DCAF17: variants seen among roughly 807,000 people sequenced by gnomAD.
DCAF17 encodes the protein DDB1 and CUL4 associated factor 17.
In DCAF17, 48 loss-of-function variants were observed where a neutral mutation model predicts 66.0. The observed-to-expected ratio is 0.73, with a 90% confidence interval of 0.58 to 0.92. The LOEUF (loss-of-function observed/expected upper bound fraction) is 0.92, where lower values mean the gene tolerates loss of function less well. Ranked by LOEUF, DCAF17 falls within the 40% of genes least tolerant of loss-of-function variation. The pLI is 0.00. For synonymous variants in DCAF17, 206 were observed against 214.6 expected (o/e 0.96, Z 0.35); for missense variants, 562 against 622.8 (o/e 0.90, Z 1.04).
intron 8 of DCAF17, among the ~76,000 whole-genome samples, chr2:171,466,728 T>G (rs1574382561): frequency 2.0e-5 from 1 of 51,246 alleles, no homozygotes; most frequent in Non-Finnish European, 4.0e-5. Flanking sequence ...GTTTGTACTG[T>G]TTTTTTTTTT....
chr2:171,472,610 A>G (rs999036963), intron 9 of DCAF17, among the ~76,000 whole-genome samples: 1 of 152,208 alleles, frequency 6.6e-6, no homozygotes, highest in Non-Finnish European at 1.5e-5. Context: ...TGCATGGGTC[A>G]ATCACTTATT....
chr2:171,459,306 C>G (rs1695444498), intron 8 of DCAF17, among the ~76,000 whole-genome samples: 1 of 151,792 alleles, frequency 6.6e-6, no homozygotes, highest in Admixed American at 6.6e-5. Context: ...GAGCGAAACT[C>G]CATCTCAAAA....
chr2:171,440,963 C>T (rs1694274994), intron 2 of DCAF17, among the ~76,000 whole-genome samples: 1 of 152,174 alleles, frequency 6.6e-6, no homozygotes, highest in Non-Finnish European at 1.5e-5. Flanking sequence ...GGACCAGAAA[C>T]CAGAATTTAG....
chr2:171,477,961 T>A, intron 11 of DCAF17, 26 bp from the exon 12 acceptor site: 1 of 1,590,682 alleles, frequency 6.3e-7, no homozygotes, highest in Non-Finnish European at 8.6e-7. Context: ...ACTTGTCATA[T>A]CTTTTTATTT....
intron 8 of DCAF17, among the ~76,000 whole-genome samples, chr2:171,467,882 T>C (rs1368379833): frequency 6.6e-6 from 1 of 152,080 alleles, no homozygotes; most frequent in Non-Finnish European, 1.5e-5. Context: ...TGAAGATGCT[T>C]AATAAAGTAT....
intron 9 of DCAF17, among the ~76,000 whole-genome samples, chr2:171,471,154 T>C (rs1696223409): frequency 6.6e-6 from 1 of 152,218 alleles, no homozygotes; most frequent in South Asian, 2.1e-4. Flanking sequence ...TTCAGCATAC[T>C]CTTAAAGAGC....
chr2:171,480,025 A>G lies in DCAF17; in HGVS notation c.1267-13A>G, dbSNP rs747811042. The stretch of plus-strand genomic sequence containing the variant: ...TTGCCCCTTTCCCTCTATTTTATCT[A>G]TCTATCCCAAAGACTTTCAAAATTG... On this transcript the variant is annotated splice_polypyrimidine_tract_variant and intron_variant, in intron 12 of 13. Coordinates refer to ENST00000375255, the MANE Select transcript of DCAF17 (RefSeq NM_025000.4). 150 of 1,612,650 alleles carry G rather than the reference A, an allele frequency of 9.3e-5. No homozygotes were observed. The highest frequency in any genetic ancestry group is 1.2e-4 in the Non-Finnish European group (139 of 1,179,440).
intron 2 of DCAF17, among the ~76,000 whole-genome samples, chr2:171,435,468 A>T (rs962279303): frequency 1.3e-5 from 2 of 152,220 alleles, no homozygotes; most frequent in African/African-American, 4.8e-5. Context: ...CTTATACCAC[A>T]GTCAAGAAAT....
At chr2:171,439,755 C>A (rs1694196131) in intron 2 of DCAF17, among the ~76,000 whole-genome samples, 1 of 151,752 alleles carries the variant, frequency 6.6e-6, no homozygotes, top group Non-Finnish European at 1.5e-5. Flanking sequence ...TGGCGAAACC[C>A]CATCTCTACT....
intron 10 of DCAF17, among the ~76,000 whole-genome samples, chr2:171,476,520 A>G (rs980045508): frequency 6.6e-6 from 1 of 152,224 alleles, no homozygotes; most frequent in African/African-American, 2.4e-5. Flanking sequence ...TAGAGCTGAA[A>G]TGTTAGAGAC....
At chr2:171,449,839 C>T in intron 4 of DCAF17, 40 bp from the exon 5 acceptor site, 1 of 1,520,276 alleles carries the variant, frequency 6.6e-7, no homozygotes, top group South Asian at 1.2e-5. Context: ...TATAAGGAAA[C>T]TGACCCAAAT....
chr2:171,448,899 C>T, intron 4 of DCAF17, 82 bp downstream of exon 4: 1 of 1,326,140 alleles, frequency 7.5e-7, no homozygotes. Flanking sequence ...GCCTTTTTTC[C>T]CTGTCAGTTT....
intron 2 of DCAF17, among the ~76,000 whole-genome samples, chr2:171,442,802 C>T (rs1294122894): frequency 6.6e-6 from 1 of 151,782 alleles, no homozygotes; most frequent in East Asian, 1.9e-4. Context: ...ATTACATGAG[C>T]CTGGGAGGTG....
At chr2:171,461,612 A>G (rs374209485) in intron 8 of DCAF17, among the ~76,000 whole-genome samples, 1 of 152,158 alleles carries the variant, frequency 6.6e-6, no homozygotes, top group Non-Finnish European at 1.5e-5. Context: ...AAAGAATCAT[A>G]CCATAAGTGC....
intron 5 of DCAF17, among the ~76,000 whole-genome samples, chr2:171,452,701 C>T (rs906670396): frequency 2.6e-5 from 4 of 152,156 alleles, no homozygotes; most frequent in Admixed American, 6.6e-5. Context: ...TAGCCTCAAG[C>T]GATCCTCCTG....
At position 171,484,023 on chromosome 2, in the gene DCAF17, A is replaced by G; in HGVS notation, c.*2909A>G. ...TTTTTACTGATGATTCAGTGTCTAA[A>G]TTTTGAACAAATTTGGGTAAGATAC... On this transcript the variant is annotated 3_prime_UTR_variant, in exon 14 of 14. Coordinates refer to ENST00000375255, the MANE Select transcript of DCAF17 (RefSeq NM_025000.4). 2.2e-6 allele frequency: 1 copy of G among 453,936 alleles called. No individual in the cohort carries two copies. The highest frequency in any genetic ancestry group is 4.4e-6 in the Non-Finnish European group (1 of 226,756). 28.1% of individuals were successfully genotyped at this position (453,936 alleles called of 1,614,324 possible). A position where few individuals can be genotyped will look rare whatever the true frequency, so the allele number is the denominator to read the frequency against.
chr2:171,476,563 G>A (rs149318384), intron 10 of DCAF17, among the ~76,000 whole-genome samples: 1 of 152,316 alleles, frequency 6.6e-6, no homozygotes, highest in African/African-American at 2.4e-5. Flanking sequence ...AGGTTCTTCA[G>A]AGTAACTTTC....
At chr2:171,480,291 C>A in intron 13 of DCAF17, 98 bp downstream of exon 13, 2 of 1,445,486 alleles carry the variant, frequency 1.4e-6, no homozygotes, top group South Asian at 1.2e-5. Context: ...TCCAGACTCA[C>A]CTATGCCAAT....
rs1462966455 is a variant in DCAF17, at chr2:171,481,986, T to G, written c.*872T>G. 2.2e-6 allele frequency: 1 copy of G among 453,924 alleles called. No homozygotes were observed. The highest frequency in any genetic ancestry group is 4.4e-6 in the Non-Finnish European group (1 of 226,770). The allele number at this position is 453,924 out of a possible 1,614,324, so 28.1% of individuals were successfully genotyped here. On this transcript the variant is annotated 3_prime_UTR_variant, in exon 14 of 14. Coordinates refer to ENST00000375255, the MANE Select transcript of DCAF17 (RefSeq NM_025000.4). ...GTTCTGTTTCCTGTAGAAAAGTGGATAAAGAGTCCCAGAAGAAGTTCTTAC... is the reference window on the plus strand; with the variant it reads ...GTTCTGTTTCCTGTAGAAAAGTGGAGAAAGAGTCCCAGAAGAAGTTCTTAC...
Sources: gnomAD v4.1 joint callset for allele counts (sites outside exome capture counted in the v4.1 genomes callset) on GRCh38, gnomAD v4.1.1 for gene constraint, MANE v1.5 for transcripts, NCBI Gene and HGNC (gene_info 2026-07-23, HGNC 2026-07-21) for gene names.